The following CAPZA1 variants were observed in gnomAD, a reference collection of about 807,000 sequenced individuals.
CAPZA1 encodes the protein capping actin protein of muscle Z-line subunit alpha 1.
Under a neutral mutation model 40.8 loss-of-function variants are expected in CAPZA1, and 10 were observed. The ratio of observed to expected loss-of-function variants is 0.25; its 90% CI spans 0.15 to 0.42. CAPZA1 has a LOEUF of 0.42. CAPZA1 is among the 10% of genes least tolerant of loss of function. The pLI, the probability that CAPZA1 is intolerant of heterozygous loss-of-function variation, is 1.00. For synonymous variants in CAPZA1, 98 were observed against 115.0 expected (o/e 0.85, Z 0.95); for missense variants, 277 against 353.8 (o/e 0.78, Z 1.74).
intron 7 of CAPZA1, among the ~76,000 whole-genome samples, chr1:112,665,082 T>C (rs1306243643): frequency 6.6e-6 from 1 of 152,184 alleles, no homozygotes; most frequent in East Asian, 1.9e-4. Context: ...ACTGTTCTTC[T>C]CTTTTCCTTT....
chr1:112,640,549 G>A (rs1671131622), intron 1 of CAPZA1, among the ~76,000 whole-genome samples: 1 of 142,314 alleles, frequency 7.0e-6, no homozygotes, highest in African/African-American at 2.6e-5. Context: ...CCCCTCCTGG[G>A]AAGTGAGGAG....
intron 1 of CAPZA1, among the ~76,000 whole-genome samples, chr1:112,642,495 G>A (rs1186255920): frequency 2.0e-5 from 3 of 152,002 alleles, no homozygotes; most frequent in African/African-American, 4.8e-5. Context: ...GATTATAGGC[G>A]TGAGCCACCG....
At chr1:112,641,379 A>G (rs928988953) in intron 1 of CAPZA1, among the ~76,000 whole-genome samples, 2 of 152,188 alleles carry the variant, frequency 1.3e-5, no homozygotes, top group Non-Finnish European at 2.9e-5. Context: ...AAAATTTAGT[A>G]GCTATACATA....
intron 1 of CAPZA1, among the ~76,000 whole-genome samples, chr1:112,626,732 G>A (rs1274168131): frequency 2.0e-5 from 3 of 151,786 alleles, no homozygotes; most frequent in African/African-American, 7.3e-5. Context: ...ATCCTTCCTG[G>A]TTTATCATAA....
At chr1:112,659,544 C>G in intron 6 of CAPZA1, 157 bp from the exon 7 acceptor site, 1 of 615,690 alleles carries the variant, frequency 1.6e-6, no homozygotes, top group Non-Finnish European at 2.9e-6. Context: ...GTAGACAGAG[C>G]TTTGGGTTTG....
chr1:112,629,600 G>C (rs978585541), intron 1 of CAPZA1, among the ~76,000 whole-genome samples: 1 of 152,120 alleles, frequency 6.6e-6, no homozygotes, highest in Non-Finnish European at 1.5e-5. Context: ...TCCAAGTTTT[G>C]TGAGGCCATA....
chr1:112,634,756 C>T (rs576705199), intron 1 of CAPZA1: 2 of 152,210 alleles, frequency 1.3e-5, no homozygotes, highest in East Asian at 1.9e-4. Flanking sequence ...AAACCTGCTA[C>T]ACAAATTCTA....
chr1:112,670,292 T>A lies in CAPZA1; in HGVS notation c.*160T>A, dbSNP rs1266322760. The stretch of plus-strand genomic sequence containing the variant: ...GAATACTGTTGAACCTATAGCGTTG[T>A]CTTGATTCTTTTGTGTTCTCTGCCT... On this transcript the variant is annotated 3_prime_UTR_variant, in exon 10 of 10. Transcript: ENST00000263168. 1.4e-6 allele frequency: 1 copy of A among 696,818 alleles called. No individual in the cohort carries two copies. Among genetic ancestry groups the A allele is most frequent in the East Asian group, 2.9e-5 (1 of 34,864 alleles). 43.2% of individuals were successfully genotyped at this position (696,818 alleles called of 1,614,324 possible).
At chr1:112,640,627 G>A (rs538394659) in intron 1 of CAPZA1, among the ~76,000 whole-genome samples, 3 of 150,602 alleles carry the variant, frequency 2.0e-5, no homozygotes, top group African/African-American at 7.3e-5. Flanking sequence ...CCGGCCAGCC[G>A]CCCCATCCGG....
intron 1 of CAPZA1, 125 bp downstream of exon 1, chr1:112,620,008 C>A: frequency 1.4e-6 from 1 of 732,604 alleles, no homozygotes; most frequent in Non-Finnish European, 2.3e-6. Flanking sequence ...CTGACATACG[C>A]TCTCCGCAGT....
Position 112,647,220 on chromosome 1 carries a change from C to G in CAPZA1, c.50C>G (p.Ala17Gly), listed in dbSNP as rs750450684. Residue 17 changes from alanine to glycine, a missense_variant, in exon 2 of 10, where the codon GCT (alanine) becomes GGT (glycine). Coordinates refer to ENST00000263168, the MANE Select transcript of CAPZA1 (RefSeq NM_006135.3). ...RVSDEEKVRI[A>G]AKFITHAPPG... ...TTTGTTTCTCTTTAGGTACGCATAG[C>G]TGCTAAATTCATCACTCATGCACCC... The G allele has an allele frequency of 6.6e-7, 1 of 1,526,278 alleles. No homozygotes were observed. The highest frequency in any genetic ancestry group is 8.9e-7 in the Non-Finnish European group (1 of 1,126,938). 94.5% of individuals were successfully genotyped at this position (1,526,278 alleles called of 1,614,324 possible).
chr1:112,641,642 C>A (rs1008353932), intron 1 of CAPZA1, among the ~76,000 whole-genome samples: 3 of 151,954 alleles, frequency 2.0e-5, no homozygotes, highest in Non-Finnish European at 2.9e-5. Context: ...GTAGTCCCAG[C>A]ACTTCGGGAG....
At position 112,671,281 on chromosome 1, in the gene CAPZA1, T is replaced by C. The variant is rs1253934157; in HGVS notation, c.*1149T>C. On this transcript the variant is annotated 3_prime_UTR_variant, in exon 10 of 10. Coordinates refer to ENST00000263168, the MANE Select transcript of CAPZA1 (RefSeq NM_006135.3). ...TCAGAATACACAGGTGACATAGATA[T>C]GATATGACAACTGGTAATGGTGGAT... is the stretch of plus-strand genomic sequence containing the variant. 2 of 152,636 alleles carry C rather than the reference T, an allele frequency of 1.3e-5. No individual in the cohort carries two copies. Among genetic ancestry groups the C allele is most frequent in the Non-Finnish European group, 1.5e-5 (1 of 68,030 alleles). 9.5% of individuals were successfully genotyped at this position (152,636 alleles called of 1,614,324 possible). A position where few individuals can be genotyped will look rare whatever the true frequency, so the allele number is the denominator to read the frequency against.
At chr1:112,623,808 A>G (rs1000798751) in intron 1 of CAPZA1, among the ~76,000 whole-genome samples, 1 of 151,664 alleles carries the variant, frequency 6.6e-6, no homozygotes, top group Non-Finnish European at 1.5e-5. Context: ...GGAGATCGAG[A>G]TCCTGGCTAA....
chr1:112,662,923 T>C (rs1671649564), intron 7 of CAPZA1, among the ~76,000 whole-genome samples: 1 of 152,046 alleles, frequency 6.6e-6, no homozygotes, highest in Non-Finnish European at 1.5e-5. Context: ...TTTTTTTAAA[T>C]ATCTCCCATC....
At position 112,670,054 on chromosome 1, in the gene CAPZA1, G is replaced by A. The variant is rs1199816637; in HGVS notation, c.783G>A (p.Gln261=). Residue 261 remains glutamine (Q), a synonymous_variant, in exon 10 of 10, where the codon CAG becomes CAA. Transcript: ENST00000263168. ...SDTTFKALRR[Q]LPVTRTKIDW... is the part of the protein sequence containing the mutation. ...CCACATTCAAGGCCTTGCGCCGGCAGCTTCCAGTTACCCGCACCAAAATCG... is the reference window on the plus strand; with the variant it reads ...CCACATTCAAGGCCTTGCGCCGGCAACTTCCAGTTACCCGCACCAAAATCG... 4 of 1,613,918 alleles carry A rather than the reference G, an allele frequency of 2.5e-6. 1 individual carries two copies. In the Admixed American group the frequency reaches 6.7e-5, roughly 27 times the overall value.
chr1:112,662,395 C>CTTTT (rs35100851), intron 7 of CAPZA1, among the ~76,000 whole-genome samples: 147 of 97,250 alleles, frequency 1.5e-3, no homozygotes, highest in Non-Finnish European at 2.1e-3. Context: ...TAGAATTTTT[C>CTTTT]TTTTTTTTTT....
In CAPZA1 at chr1:112,649,400, A is replaced by G. The variant is rs773154233; in HGVS notation, c.104-18A>G. On this transcript the variant is annotated intron_variant, in intron 2 of 9. Transcript: ENST00000263168. The stretch of plus-strand genomic sequence containing the variant: ...AAATTTATCCTCCACTGAACATTGT[A>G]ACATTTTTCCTCCTCAGACGTTCGG... 2.5e-6 allele frequency: 4 copies of G among 1,602,654 alleles called. No individual in the cohort carries two copies. The Admixed American group carries it at 6.7e-5, about 27-fold the overall frequency.
At chr1:112,652,486 A>AAG (rs1317599609) in intron 3 of CAPZA1, among the ~76,000 whole-genome samples, 1 of 151,972 alleles carries the variant, frequency 6.6e-6, no homozygotes, top group East Asian at 1.9e-4. Context: ...TCTCAAAAAA[A>AAG]AAAAAAAAAA....
Sources: allele counts gnomAD v4.1 joint callset (sites outside exome capture counted in the v4.1 genomes callset), GRCh38; gene constraint gnomAD v4.1.1; transcripts MANE v1.5; gene names NCBI Gene and HGNC (gene_info 2026-07-23, HGNC 2026-07-21).